Variants in FAM120C observed in about 807,000 individuals in gnomAD.
The protein encoded by FAM120C is constitutive coactivator of PPAR-gamma-like protein 2.
FAM120C carries 14 observed loss-of-function variants against 71.2 expected under a neutral mutation model. That is an observed-to-expected ratio of 0.20 (90% CI 0.13 to 0.31). The LOEUF is 0.31. FAM120C is among the 10% of genes least tolerant of loss of function. FAM120C has a pLI of 1.00. For missense variants in FAM120C, 500 were observed against 879.0 expected (o/e 0.57, Z 5.45); for synonymous variants, 354 against 353.2 (o/e 1.00, Z -0.03).
At chrX:54,148,711 C>T (rs782681780) in intron 4 of FAM120C, among the ~76,000 whole-genome samples, 16 of 111,618 alleles carry the variant, frequency 1.4e-4, no homozygotes, top group East Asian at 2.8e-4. Context: ...GCTACCACTA[C>T]GCACCTATTA....
At chrX:54,094,238 T>C (rs1202816678) in intron 10 of FAM120C, among the ~76,000 whole-genome samples, 1 of 108,575 alleles carries the variant, frequency 9.2e-6, no homozygotes, top group Non-Finnish European at 1.9e-5. Context: ...GCTGGGACTA[T>C]AGGTGCCTGC....
intron 1 of FAM120C, among the ~76,000 whole-genome samples, chrX:54,174,318 CAGG>C (rs2067304889): frequency 9.0e-6 from 1 of 111,712 alleles, no homozygotes; most frequent in African/African-American, 3.3e-5. Flanking sequence ...ACGGGGGGGA[CAGG>C]AGGAGATTAC....
At chrX:54,157,818 G>A in intron 2 of FAM120C, 47 bp from the exon 3 acceptor site, 1 of 931,118 alleles carries the variant, frequency 1.1e-6, no homozygotes, top group Non-Finnish European at 1.5e-6. Flanking sequence ...TGTTTTCTTA[G>A]AACCTCCAGG....
rs958382534 is a variant in FAM120C, at chrX:54,070,302, G to T, written c.*2731C>A. On this transcript the variant is annotated 3_prime_UTR_variant, in exon 16 of 16. Transcript: ENST00000375180. ...GTTTCACCCTGGGCTAGGGGAAAAA[G>T]AGGTTGTGGAAGGAAGAAAAGCCGT... The T allele has an allele frequency of 8.9e-6, 1 of 111,893 alleles. No homozygotes were observed. Among genetic ancestry groups the T allele is most frequent in the African/African-American group, 3.2e-5 (1 of 30,808 alleles). 9.2% of individuals were successfully genotyped at this position (111,893 alleles called of 1,213,427 possible).
At chrX:54,140,291 CAAA>C (rs782194470) in intron 4 of FAM120C, among the ~76,000 whole-genome samples, 2 of 53,205 alleles carry the variant, frequency 3.8e-5, no homozygotes. Flanking sequence ...GACTCTGTCT[CAAA>C]AAAAAAAAAA....
At position 54,138,722 on chromosome X, in the gene FAM120C, G is replaced by A. The variant is rs782768858; in HGVS notation, c.1159-2132C>T. ...CGCCTGTAGTCCCAGCTACTTGGGA[G>A]GCTGAGGCAAAAGAATCGCTTGAAC... is the stretch of plus-strand genomic sequence containing the variant. On this transcript the variant is annotated intron_variant, in intron 4 of 15. Transcript: ENST00000375180. 1.7e-4 allele frequency among the ~76,000 whole-genome samples: 19 copies of A among 110,914 alleles called. 1 individual carries two copies. In the Admixed American group the frequency reaches 1.8e-3, roughly 11 times the overall value.
chrX:54,149,057 C>G (rs1178489359), intron 4 of FAM120C, among the ~76,000 whole-genome samples: 2 of 112,074 alleles, frequency 1.8e-5, no homozygotes, highest in African/African-American at 6.5e-5. Flanking sequence ...CATACACTTA[C>G]CACATGACCC....
intron 10 of FAM120C, among the ~76,000 whole-genome samples, chrX:54,093,985 A>G (rs1385862972): frequency 1.8e-5 from 2 of 110,760 alleles, no homozygotes; most frequent in African/African-American, 6.5e-5. Flanking sequence ...CTGATATTCT[A>G]GATACCTTGC....
Position 54,172,767 on chromosome X carries a change from T to C in FAM120C, c.699+9733A>G, listed in dbSNP as rs1391922137. 1.4e-4 allele frequency among the ~76,000 whole-genome samples: 16 copies of C among 111,633 alleles called. No homozygotes were observed. The Admixed American group carries it at 1.5e-3, about 11-fold the overall frequency. ...CCTTTCCCGCCAGTTTCTGATTCTG[T>C]AGGTCCGATGGGGTAGGGGACTGAG... On this transcript the variant is annotated intron_variant, in intron 1 of 15. Coordinates refer to ENST00000375180, the MANE Select transcript of FAM120C (RefSeq NM_017848.6).
At chrX:54,155,074 T>C (rs2067202983) in intron 3 of FAM120C, among the ~76,000 whole-genome samples, 1 of 111,017 alleles carries the variant, frequency 9.0e-6, no homozygotes, top group African/African-American at 3.3e-5. Flanking sequence ...CGTGATGGCA[T>C]GTGCCTGTAG....
intron 9 of FAM120C, among the ~76,000 whole-genome samples, chrX:54,128,153 G>A (rs1186118849): frequency 2.7e-5 from 3 of 109,944 alleles, no homozygotes; most frequent in Non-Finnish European, 5.7e-5. Flanking sequence ...CCTCAGCCCC[G>A]CTTCCCTTCT....
chrX:54,149,376 G>A (rs2067173533), intron 4 of FAM120C, among the ~76,000 whole-genome samples: 1 of 111,631 alleles, frequency 9.0e-6, no homozygotes. Flanking sequence ...GGTAGCTCAC[G>A]CCTGTAATCC....
chrX:54,179,712 ACAATCCATTCTCTTAGGAT>A (rs2146655854), intron 1 of FAM120C, among the ~76,000 whole-genome samples: 1 of 111,850 alleles, frequency 8.9e-6, no homozygotes, highest in South Asian at 3.8e-4. Flanking sequence ...AGTCACTTCT[ACAATCCATTCTCTTAGGAT>A]CATTGACCTA....
chrX:54,163,884 TTGTGTGTGTG>T (rs782142864), intron 1 of FAM120C, among the ~76,000 whole-genome samples: 2 of 102,988 alleles, frequency 1.9e-5, no homozygotes, highest in African/African-American at 7.2e-5. Context: ...CCTTTTTATG[TTGTGTGTGTG>T]TGTGTGTGTG....
At chrX:54,111,787 C>T (rs1223440016) in intron 10 of FAM120C, among the ~76,000 whole-genome samples, 1 of 111,479 alleles carries the variant, frequency 9.0e-6, no homozygotes, top group African/African-American at 3.3e-5. Flanking sequence ...AAAAACAATC[C>T]TAAAATTCAT....
At chrX:54,125,554 C>T (rs2067022832) in intron 9 of FAM120C, among the ~76,000 whole-genome samples, 1 of 112,872 alleles carries the variant, frequency 8.9e-6, no homozygotes, top group African/African-American at 3.2e-5. Flanking sequence ...GATCCACCCA[C>T]CTTGGCTTCC....
At chrX:54,141,979 A>T (rs1163188881) in intron 4 of FAM120C, among the ~76,000 whole-genome samples, 2 of 112,245 alleles carry the variant, frequency 1.8e-5, no homozygotes, top group Non-Finnish European at 3.8e-5. Flanking sequence ...ATAAATAGGC[A>T]AATAATATTC....
intron 9 of FAM120C, among the ~76,000 whole-genome samples, chrX:54,129,121 C>T (rs1271820135): frequency 4.7e-5 from 5 of 106,161 alleles, no homozygotes; most frequent in South Asian, 8.4e-4. Context: ...ACCTCCCTCC[C>T]GGACGGGGCG....
intron 1 of FAM120C, among the ~76,000 whole-genome samples, chrX:54,182,178 G>A (rs1318880085): frequency 8.9e-6 from 1 of 112,180 alleles, no homozygotes; most frequent in South Asian, 3.7e-4. Flanking sequence ...GGAGAAAGAT[G>A]AGGCTACAAA....
Sources: gnomAD v4.1 joint callset for allele counts (sites outside exome capture counted in the v4.1 genomes callset) on GRCh38, gnomAD v4.1.1 for gene constraint, MANE v1.5 for transcripts, NCBI Gene and HGNC (gene_info 2026-07-23, HGNC 2026-07-21) for gene names.